Variants in CHKA observed in about 807,000 individuals in gnomAD.
The protein encoded by CHKA is choline kinase alpha.
Under a neutral mutation model 60.1 loss-of-function variants are expected in CHKA, and 34 were observed. The observed-to-expected ratio is 0.57, with a 90% CI of 0.43 to 0.75. The LOEUF (loss-of-function observed/expected upper bound fraction) is 0.75. Ranked by LOEUF, CHKA falls within the 30% of genes least tolerant of loss-of-function variation. CHKA has a pLI of 0.00. For missense variants in CHKA, 563 were observed against 561.3 expected, an observed-to-expected ratio of 1.00 and a Z score of -0.03; for synonymous variants, 217 against 223.1, an observed-to-expected ratio of 0.97 and a Z score of 0.24.
rs1470039404 is a variant in CHKA, at chr11:68,054,002, T to C, written c.1360A>G (p.Lys454Glu). The C allele has an allele frequency of 1.2e-6, 2 of 1,613,514 alleles. No individual in the cohort carries two copies. The highest frequency in any genetic ancestry group is 2.7e-5 in the African/African-American group (2 of 74,906). ...RFDAYFHQKR[K>E]LGV ...CCTCCCCACAGTCACACCCCAAGCT[T>C]CCTCTTCTGGTGGAAATAGGCATCA... The change falls in exon 12 of 12, where the codon AAG becomes GAG. Residue 454 changes from lysine (K) to glutamate (E), a missense_variant. Coordinates refer to ENST00000265689, the MANE Select transcript of CHKA (RefSeq NM_001277.3).
intron 1 of CHKA, among the ~76,000 whole-genome samples, chr11:68,120,577 GAA>G (rs1858588225): frequency 1.3e-5 from 2 of 152,246 alleles, no homozygotes; most frequent in African/African-American, 2.4e-5. Context: ...GTTTTCTCAT[GAA>G]ACCGACGTTT....
chr11:68,070,620 C>G (rs1181519586), intron 5 of CHKA, 104 bp downstream of exon 5: 2 of 1,262,752 alleles, frequency 1.6e-6, no homozygotes, highest in African/African-American at 3.0e-5. Flanking sequence ...CTTCAGTGAA[C>G]TAGGAAGACC....
Position 68,121,171 on chromosome 11 carries a change from T to C in CHKA, c.7A>G (p.Thr3Ala). The C allele has an allele frequency of 1.7e-6, 2 of 1,197,564 alleles. No homozygotes were observed. The highest frequency in any genetic ancestry group is 1.0e-6 in the Non-Finnish European group (1 of 957,814). 74.2% of individuals were successfully genotyped at this position (1,197,564 alleles called of 1,614,324 possible). A position where few individuals can be genotyped will look rare whatever the true frequency, so the allele number is the denominator to read the frequency against. ...GCCTCGCCCCCGGTGCAGAATTTGG[T>C]TTTCATGCCCGACAGGCGGCCGAGG... Reference protein sequence around the residue: MKTKFCTGGEAEP... With the variant: MKAKFCTGGEAEP... The change falls in exon 1 of 12, where the codon ACC becomes GCC. Residue 3 changes from threonine to alanine, a missense_variant. Physicochemically the swap from Thr to Ala is moderately conservative, Grantham distance 58 (BLOSUM62 0). Transcript: ENST00000265689.
At chr11:68,076,875 C>T (rs920424525) in intron 3 of CHKA, among the ~76,000 whole-genome samples, 3 of 152,158 alleles carry the variant, frequency 2.0e-5, no homozygotes, top group African/African-American at 7.2e-5. Flanking sequence ...TTACGTAATA[C>T]TGTAGTTCAA....
chr11:68,104,742 G>A (rs994482774), intron 1 of CHKA, among the ~76,000 whole-genome samples: 3 of 151,990 alleles, frequency 2.0e-5, no homozygotes, highest in African/African-American at 7.2e-5. Flanking sequence ...ATTATTACAT[G>A]TCAATTATAA....
At chr11:68,078,746 C>A (rs1856872210) in intron 3 of CHKA, among the ~76,000 whole-genome samples, 1 of 152,088 alleles carries the variant, frequency 6.6e-6, no homozygotes, top group African/African-American at 2.4e-5. Flanking sequence ...AATAACGGAT[C>A]AGTACTCTTC....
intron 2 of CHKA, among the ~76,000 whole-genome samples, chr11:68,090,162 T>C (rs1351465002): frequency 6.6e-6 from 1 of 152,212 alleles, no homozygotes; most frequent in East Asian, 1.9e-4. Context: ...GGACTATTGG[T>C]AGTAATTTGG....
At chr11:68,054,761 A>G (rs964305837) in intron 11 of CHKA, among the ~76,000 whole-genome samples, 2 of 152,220 alleles carry the variant, frequency 1.3e-5, no homozygotes, top group Non-Finnish European at 2.9e-5. Flanking sequence ...GCATCCAGCC[A>G]GTTCTCCACC....
chr11:68,087,862 C>T (rs937960966), intron 2 of CHKA, among the ~76,000 whole-genome samples: 1 of 152,082 alleles, frequency 6.6e-6, no homozygotes, highest in Non-Finnish European at 1.5e-5. Flanking sequence ...CCTGTAATCC[C>T]AGCACGTTGG....
At chr11:68,086,071 T>C (rs577148477) in intron 2 of CHKA, among the ~76,000 whole-genome samples, 1 of 152,262 alleles carries the variant, frequency 6.6e-6, no homozygotes, top group African/African-American at 2.4e-5. Context: ...TCCCAACACT[T>C]TGGGAGGCCG....
At position 68,062,013 on chromosome 11, in the gene CHKA, G is replaced by A. The variant is rs770317844; in HGVS notation, c.1254C>T (p.Phe418=). The part of the protein sequence containing the change: ...EVNRFALASH[F]LWGLWSIVQA... The stretch of plus-strand genomic sequence containing the variant: ...GTACAATGGACCACAGTCCCCAGAG[G>A]AAATGAGATGCAAGGGCAAACCTGG... The change falls in exon 11 of 12, where the codon TTC becomes TTT. Residue 418 remains phenylalanine, a synonymous_variant. Coordinates refer to ENST00000265689, the MANE Select transcript of CHKA (RefSeq NM_001277.3). 2 of 1,595,824 alleles carry A rather than the reference G, an allele frequency of 1.3e-6. No individual in the cohort carries two copies. Among genetic ancestry groups the A allele is most frequent in the Non-Finnish European group, 8.5e-7 (1 of 1,170,384 alleles).
intron 2 of CHKA, among the ~76,000 whole-genome samples, chr11:68,095,240 TA>T (rs1857459863): frequency 6.6e-6 from 1 of 150,674 alleles, no homozygotes; most frequent in Non-Finnish European, 1.5e-5. Flanking sequence ...TCATCTCTAC[TA>T]AAAATACAAA....
At chr11:68,113,108 A>G (rs1373029776) in intron 1 of CHKA, among the ~76,000 whole-genome samples, 5 of 146,298 alleles carry the variant, frequency 3.4e-5, no homozygotes, top group African/African-American at 1.3e-4. Flanking sequence ...AAAAAAAAAA[A>G]AAGAAGCTGT....
chr11:68,062,085 A>T, intron 10 of CHKA, 51 bp from the exon 11 acceptor site: 3 of 1,211,834 alleles, frequency 2.5e-6, no homozygotes, highest in Non-Finnish European at 3.5e-6. Context: ...TATCAGTTAC[A>T]GGACTGATGA....
chr11:68,091,666 C>G (rs1857353340), intron 2 of CHKA, among the ~76,000 whole-genome samples: 1 of 152,088 alleles, frequency 6.6e-6, no homozygotes, highest in South Asian at 2.1e-4. Flanking sequence ...GGCACTTAAC[C>G]CTTAGAGAAC....
In CHKA at chr11:68,053,802, C is replaced by T. The variant is rs1428232440; in HGVS notation, c.*186G>A. 3.8e-6 allele frequency: 2 copies of T among 521,128 alleles called. No individual in the cohort carries two copies. Among genetic ancestry groups the T allele is most frequent in the South Asian group, 2.7e-5 (1 of 36,900 alleles). The allele number at this position is 521,128 out of a possible 1,614,324, so 32.3% of individuals were successfully genotyped here. On this transcript the variant is annotated 3_prime_UTR_variant, in exon 12 of 12. Transcript: ENST00000265689. ...TCTCGTTTCTGAGTCCTAGTGAAAT[C>T]GTAAACAAGAGATGAAATAAACGTC...
chr11:68,109,086 CTTTT>C lies in CHKA; in HGVS notation c.350+11738_350+11741del, dbSNP rs1040771984. Among the ~76,000 whole-genome samples, 13 of 130,598 alleles carry C rather than the reference CTTTT, an allele frequency of 1.0e-4. No homozygotes were observed. The East Asian group carries it at 2.4e-3, about 24-fold the overall frequency. 85.7% of individuals were successfully genotyped at this position (130,598 alleles called of 152,430 possible). A position where few individuals can be genotyped will look rare whatever the true frequency, so the allele number is the denominator to read the frequency against. On this transcript the variant is annotated intron_variant, in intron 1 of 11. Coordinates refer to ENST00000265689, the MANE Select transcript of CHKA (RefSeq NM_001277.3). ...AAGAAACCTTTCCTTTTTTCTTTTC[CTTTT>C]TTTTTTTTTTTTTTTTTGAGACAGA...
At chr11:68,110,929 C>T (rs965335811) in intron 1 of CHKA, among the ~76,000 whole-genome samples, 5 of 149,822 alleles carry the variant, frequency 3.3e-5, no homozygotes, top group Non-Finnish European at 7.4e-5. Flanking sequence ...ATCCAGGAGG[C>T]GGAGGTTGCA....
rs535049445 is a variant in CHKA at position 68,058,966 on chromosome 11, G to A, written c.1314+2987C>T. Among the ~76,000 whole-genome samples, 7 of 152,142 alleles carry A rather than the reference G, an allele frequency of 4.6e-5. No individual in the cohort carries two copies. In the South Asian group the frequency reaches 1.0e-3, roughly 23 times the overall value. On this transcript the variant is annotated intron_variant, in intron 11 of 11. Transcript: ENST00000265689. ...GGCTGGAGTGCAGTGGCGTGATCTC[G>A]GCTCACTGCAACCTCCACCTCCTGG...
Sources: allele counts gnomAD v4.1 joint callset (sites outside exome capture counted in the v4.1 genomes callset), GRCh38; gene constraint gnomAD v4.1.1; transcripts MANE v1.5; gene names NCBI Gene and HGNC (gene_info 2026-07-23, HGNC 2026-07-21).